The following SLC2A13 variants were observed in gnomAD, a reference collection of about 807,000 sequenced individuals.
SLC2A13 encodes proton myo-inositol cotransporter.
Under a neutral mutation model 64.4 loss-of-function variants are expected in SLC2A13, and 32 were observed. The ratio of observed to expected loss-of-function variants is 0.50; its 90% confidence interval spans 0.37 to 0.67. The LOEUF is 0.67. Among genes scored for constraint, SLC2A13 ranks in the 30% least tolerant of loss-of-function variants. The probability of loss-of-function intolerance (pLI) is 0.00; values close to 1 mark genes in which losing one functional copy is unlikely to be tolerated. For synonymous variants in SLC2A13, 338 were observed against 327.1 expected (o/e 1.03, Z -0.36); for missense variants, 743 against 829.2 (o/e 0.90, Z 1.28).
At chr12:39,920,403 C>A (rs1945595026) in intron 4 of SLC2A13, among the ~76,000 whole-genome samples, 1 of 152,020 alleles carries the variant, frequency 6.6e-6, no homozygotes, top group African/African-American at 2.4e-5. Flanking sequence ...TAATATGGAA[C>A]AGAGCAAATT....
At chr12:40,062,990 T>C (rs1948447909) in intron 1 of SLC2A13, among the ~76,000 whole-genome samples, 2 of 152,148 alleles carry the variant, frequency 1.3e-5, no homozygotes, top group African/African-American at 4.8e-5. Context: ...TTTATATAGC[T>C]ACCCCTTCAT....
In SLC2A13 at chr12:39,755,359, C is replaced by T. The variant is rs1939947656; in HGVS notation, c.*4667G>A. ...ACATGCACTCAGAAATTAAAATATA[C>T]AGTTTGAAATACATATATTTTAAAA... On this transcript the variant is annotated 3_prime_UTR_variant, in exon 10 of 10. Transcript: ENST00000280871. 6.6e-6 allele frequency: 1 copy of T among 151,896 alleles called. No homozygotes were observed. Among genetic ancestry groups the T allele is most frequent in the Non-Finnish European group, 1.5e-5 (1 of 67,872 alleles). The allele number at this position is 151,896 out of a possible 1,614,324, so 9.4% of individuals were successfully genotyped here. A position where few individuals can be genotyped will look rare whatever the true frequency, so the allele number is the denominator to read the frequency against.
rs200347987 is a variant in SLC2A13 at position 39,895,897 on chromosome 12, C to T, written c.1035-23936G>A. ...ACATATGTATATGCGTGTATATGCA[C>T]ACACATATGTATATGTATGCATATA... On this transcript the variant is annotated intron_variant, in intron 4 of 9. Transcript: ENST00000280871. Among the ~76,000 whole-genome samples the T allele has an allele frequency of 1.8e-3, 84 of 47,084 alleles. 26 individuals are homozygous for T. The highest frequency in any genetic ancestry group is 8.8e-3 in the East Asian group (3 of 342). The allele number at this position is 47,084 out of a possible 152,430, so 30.9% of individuals were successfully genotyped here.
chr12:39,935,066 C>A (rs1945895408), intron 4 of SLC2A13, among the ~76,000 whole-genome samples: 1 of 152,140 alleles, frequency 6.6e-6, no homozygotes, highest in African/African-American at 2.4e-5. Flanking sequence ...TTGAAGAATA[C>A]TTTATGGAAA....
rs201218292 is a variant in SLC2A13 at position 40,096,504 on chromosome 12, G to GA, written c.556+8748dup. On this transcript the variant is annotated intron_variant, in intron 1 of 9. Transcript: ENST00000280871. ...TAAAAGATGTCATCAATATAGATAAGAAAAAAAACAAAAAAAATTAGAGAC... is the reference window on the plus strand; with the variant it reads ...TAAAAGATGTCATCAATATAGATAAGAAAAAAAAACAAAAAAAATTAGAGAC... 3.1e-3 allele frequency among the ~76,000 whole-genome samples: 470 copies of GA among 150,322 alleles called. 3 individuals are homozygous for GA. Among genetic ancestry groups the GA allele is most frequent in the African/African-American group, 0.011 (436 of 41,086 alleles).
At chr12:39,895,235 A>G (rs1415559232) in intron 4 of SLC2A13, among the ~76,000 whole-genome samples, 2 of 151,938 alleles carry the variant, frequency 1.3e-5, no homozygotes, top group Admixed American at 6.6e-5. Context: ...ACTAAACTGA[A>G]TAAGTCATTT....
intron 3 of SLC2A13, among the ~76,000 whole-genome samples, chr12:39,967,496 A>G (rs987631670): frequency 2.0e-5 from 3 of 152,198 alleles, no homozygotes; most frequent in Non-Finnish European, 4.4e-5. Context: ...CAACATTTAC[A>G]TTAAAAATAT....
At chr12:39,942,459 AT>A (rs1301760365) in intron 4 of SLC2A13, among the ~76,000 whole-genome samples, 2 of 151,782 alleles carry the variant, frequency 1.3e-5, no homozygotes, top group Non-Finnish European at 2.9e-5. Context: ...AGTATTTTAT[AT>A]TTTTTTGCAG....
intron 6 of SLC2A13, among the ~76,000 whole-genome samples, chr12:39,856,000 C>T (rs1463450733): frequency 2.6e-5 from 4 of 152,170 alleles, no homozygotes; most frequent in South Asian, 2.1e-4. Flanking sequence ...GCTGGGTCTA[C>T]TAGCATGCCC....
chr12:39,835,455 G>A (rs962649772), intron 6 of SLC2A13, among the ~76,000 whole-genome samples: 6 of 152,060 alleles, frequency 3.9e-5, no homozygotes, highest in Admixed American at 1.3e-4. Context: ...ACATTTATAA[G>A]AGAAATGAAT....
At chr12:39,810,801 C>T (rs1193601457) in intron 7 of SLC2A13, among the ~76,000 whole-genome samples, 1 of 152,018 alleles carries the variant, frequency 6.6e-6, no homozygotes, top group Non-Finnish European at 1.5e-5. Flanking sequence ...TTAAATCAAC[C>T]ATGAATTCCT....
In SLC2A13 at chr12:39,971,870, G is replaced by A. The variant is rs540578496; in HGVS notation, c.926-20505C>T. Among the ~76,000 whole-genome samples, 57 of 150,874 alleles carry A rather than the reference G, an allele frequency of 3.8e-4. 1 individual carries two copies. Among genetic ancestry groups the A allele is most frequent in the Admixed American group, 2.4e-3 (37 of 15,138 alleles). On this transcript the variant is annotated intron_variant, in intron 3 of 9. Coordinates refer to ENST00000280871, the MANE Select transcript of SLC2A13 (RefSeq NM_052885.4). ...TGCGCCTGTAATCCCAGCTACTCAGGAGGCTGAGGCAAAAGAATCGCTTGA... is the reference window on the plus strand; with the variant it reads ...TGCGCCTGTAATCCCAGCTACTCAGAAGGCTGAGGCAAAAGAATCGCTTGA...
At chr12:39,923,692 A>ATG (rs1432285092) in intron 4 of SLC2A13, among the ~76,000 whole-genome samples, 1 of 101,408 alleles carries the variant, frequency 9.9e-6, no homozygotes, top group Non-Finnish European at 2.2e-5. Flanking sequence ...ATATATGCGC[A>ATG]CGCGCACACA....
Position 40,105,312 on chromosome 12 carries a change from G to T in SLC2A13, c.497C>A (p.Ala166Asp). ...CAGTGTCTCCTTGTTGTTGGCCGCA[G>T]CCAGCACCGCGGAGCCGGCGGTGAA... ...ALFTAGSAVLAAANNKETLLA... is the reference protein window; with the variant it reads ...ALFTAGSAVLDAANNKETLLA... Residue 166 changes from alanine (A) to aspartate (D), a missense_variant, in exon 1 of 10, where the codon GCT becomes GAT. By Grantham distance (126) the Ala-to-Asp change is moderately radical. This residue lies in a region of SLC2A13 where 448 missense variants were observed against 447.4 expected (regional missense o/e 1.00). Transcript: ENST00000280871. The surrounding 1 kb of genome is among the most constrained non-coding windows in gnomAD (Gnocchi z 4.2). The T allele has an allele frequency of 6.2e-7, 1 of 1,601,600 alleles. No homozygotes were observed. The highest frequency in any genetic ancestry group is 8.5e-7 in the Non-Finnish European group (1 of 1,175,806).
chr12:39,932,315 A>G (rs1187476261), intron 4 of SLC2A13, among the ~76,000 whole-genome samples: 3 of 152,218 alleles, frequency 2.0e-5, no homozygotes, highest in African/African-American at 7.2e-5. Context: ...CCACTAAAGC[A>G]ATATGAATAA....
intron 3 of SLC2A13, among the ~76,000 whole-genome samples, chr12:39,971,621 C>G (rs1166522566): frequency 6.6e-6 from 1 of 152,042 alleles, no homozygotes; most frequent in Non-Finnish European, 1.5e-5. Flanking sequence ...CTGACACACT[C>G]TATAACAATC....
At chr12:39,923,675 T>C (rs928974721) in intron 4 of SLC2A13, among the ~76,000 whole-genome samples, 1 of 133,290 alleles carries the variant, frequency 7.5e-6, no homozygotes, top group African/African-American at 2.8e-5. Flanking sequence ...TATGTATATA[T>C]ATATATATAT....
rs762124448 is a variant in SLC2A13, at chr12:40,105,509, C to G, written c.300G>C (p.Gly100=). ...GCAGCAGCATGGCCCCTGACACCAC[C>G]CCGGTGTCATAGCCAAACAGGAAGC... ...LGGFLFGYDT[G]VVSGAMLLLK... The change falls in exon 1 of 10, where the codon GGG becomes GGC. Residue 100 remains glycine, a synonymous_variant. Transcript: ENST00000280871. The surrounding 1 kb of genome is among the most constrained non-coding windows in gnomAD (Gnocchi z 4.2). 3 of 1,580,226 alleles carry G rather than the reference C, an allele frequency of 1.9e-6. No homozygotes were observed. The East Asian group carries it at 7.1e-5, about 37-fold the overall frequency.
intron 4 of SLC2A13, among the ~76,000 whole-genome samples, chr12:39,925,775 C>T (rs1415041921): frequency 6.6e-6 from 1 of 152,098 alleles, no homozygotes; most frequent in African/African-American, 2.4e-5. Flanking sequence ...TTGGTATTTT[C>T]CTCTATATCT....
Sources: allele counts gnomAD v4.1 joint callset (sites outside exome capture counted in the v4.1 genomes callset), GRCh38; gene constraint gnomAD v4.1.1; regional missense constraint gnomAD v4.1.1; non-coding constraint Gnocchi (gnomAD v3.1); transcripts MANE v1.5; gene names NCBI Gene and HGNC (gene_info 2026-07-23, HGNC 2026-07-21).